Variants in ADISSP observed in about 807,000 individuals in gnomAD.
ADISSP encodes the protein adipose secreted signaling protein, also known as adipose-secreted signaling protein.
chr20:3,764,112 G>A, the ADISSP span, among the ~76,000 whole-genome samples: 1 of 152,242 alleles, frequency 6.6e-6, no homozygotes. Flanking sequence ...ACTTGGTCTT[G>A]GAGAGCAGCC....
chr20:3,755,415 C>T, the ADISSP span: 5 of 1,563,568 alleles, frequency 3.2e-6, no homozygotes, highest in African/African-American at 1.3e-5. Flanking sequence ...TAAGGGAGCA[C>T]CCCATGTTCT....
chr20:3,768,220 C>G, the ADISSP span: 7 of 152,334 alleles, frequency 4.6e-5, no homozygotes, highest in Admixed American at 4.6e-4. Flanking sequence ...CGATACGGGC[C>G]GTGTTGGTCT....
At chr20:3,754,003 G>T in the ADISSP span, 1 of 1,349,832 alleles carries the variant, frequency 7.4e-7, no homozygotes, top group Non-Finnish European at 1.1e-6. Flanking sequence ...AGCATGTCGG[G>T]GGGACAAGGC....
At chr20:3,768,201 T>C in the ADISSP span, 22 of 152,506 alleles carry the variant, frequency 1.4e-4, no homozygotes, top group South Asian at 4.1e-3. Context: ...CCACGCCGGC[T>C]TCGGCCATCG....
the ADISSP span, chr20:3,754,139 G>A: frequency 4.3e-6 from 7 of 1,612,630 alleles, no homozygotes; most frequent in Admixed American, 1.7e-5. Flanking sequence ...CCAGCAGCAT[G>A]GGCGTGCCGT....
chr20:3,761,472 A>C, the ADISSP span, among the ~76,000 whole-genome samples: 1 of 152,014 alleles, frequency 6.6e-6, no homozygotes. Context: ...AGTAGCTGGG[A>C]CTACAGGCGC....
At chr20:3,763,995 G>A in the ADISSP span, among the ~76,000 whole-genome samples, 1 of 152,166 alleles carries the variant, frequency 6.6e-6, no homozygotes, top group Non-Finnish European at 1.5e-5. Flanking sequence ...GAGCTTCCAG[G>A]CCCCAGCCCA....
At chr20:3,764,287 C>T in the ADISSP span, among the ~76,000 whole-genome samples, 2 of 152,210 alleles carry the variant, frequency 1.3e-5, no homozygotes, top group Non-Finnish European at 2.9e-5. Context: ...TCAAGGTCCC[C>T]CCATCTCCCA....
chr20:3,757,489 G>A, the ADISSP span, among the ~76,000 whole-genome samples: 2 of 152,118 alleles, frequency 1.3e-5, no homozygotes, highest in Admixed American at 6.5e-5. Flanking sequence ...GACATGAGTG[G>A]ATTTTGCAAT....
At chr20:3,767,549 C>T in the ADISSP span, 2 of 152,626 alleles carry the variant, frequency 1.3e-5, no homozygotes, top group African/African-American at 2.4e-5. Flanking sequence ...CCAGCCCTGC[C>T]ATCACGGCCG....
chr20:3,768,220 C>T, the ADISSP span: 1 of 152,334 alleles, frequency 6.6e-6, no homozygotes, highest in Non-Finnish European at 1.5e-5. Context: ...CGATACGGGC[C>T]GTGTTGGTCT....
At chr20:3,753,943 C>A in the ADISSP span, 1 of 782,262 alleles carries the variant, frequency 1.3e-6, no homozygotes, top group Non-Finnish European at 2.1e-6. Context: ...CAAGGCCACT[C>A]CACCCCCACA....
At chr20:3,764,910 G>A in the ADISSP span, among the ~76,000 whole-genome samples, 1 of 152,198 alleles carries the variant, frequency 6.6e-6, no homozygotes, top group African/African-American at 2.4e-5. Context: ...CCCCCACCAA[G>A]TGGCCTCCCA....
At chr20:3,763,171 G>A in the ADISSP span, among the ~76,000 whole-genome samples, 3 of 147,960 alleles carry the variant, frequency 2.0e-5, 1 homozygote, top group African/African-American at 5.0e-5. Flanking sequence ...CAGGAGAATC[G>A]CTTGAACCTG....
chr20:3,757,223 G>A, the ADISSP span, among the ~76,000 whole-genome samples: 5 of 151,950 alleles, frequency 3.3e-5, no homozygotes, highest in Non-Finnish European at 5.9e-5. Flanking sequence ...GGTGGCACGC[G>A]CCTGTAATCC....
chr20:3,760,247 G>C, the ADISSP span: 1 of 635,400 alleles, frequency 1.6e-6, no homozygotes, highest in Admixed American at 2.6e-5. Flanking sequence ...ATGGCTCAGG[G>C]ACACCAGAGG....
At chr20:3,761,383 T>C in the ADISSP span, among the ~76,000 whole-genome samples, 6 of 151,458 alleles carry the variant, frequency 4.0e-5, no homozygotes, top group African/African-American at 1.5e-4. Context: ...TCACCCAGGC[T>C]GGGATGCAAT....
chr20:3,756,724 T>C, the ADISSP span, among the ~76,000 whole-genome samples: 2 of 152,218 alleles, frequency 1.3e-5, no homozygotes, highest in Admixed American at 6.5e-5. Context: ...GTACTACTTA[T>C]AGAATTTTCC....
At chr20:3,759,748 C>T in the ADISSP span, among the ~76,000 whole-genome samples, 1 of 152,124 alleles carries the variant, frequency 6.6e-6, no homozygotes, top group African/African-American at 2.4e-5. This position sits in a 1 kb window ranked among gnomAD's most constrained non-coding sequence, Gnocchi z 4.6. Context: ...CTGCTGTGGC[C>T]CTCCCACATC....
Sources: gnomAD v4.1 joint callset for allele counts (sites outside exome capture counted in the v4.1 genomes callset) on GRCh38, gnomAD v4.1.1 for gene constraint, Gnocchi (gnomAD v3.1) non-coding constraint, MANE v1.5 for transcripts, NCBI Gene and HGNC (gene_info 2026-07-23, HGNC 2026-07-21) for gene names.